Variants in RGS6 observed in about 807,000 individuals in gnomAD.
RGS6 encodes regulator of G-protein signaling 6.
RGS6 carries 30 observed loss-of-function variants against 78.5 expected under a neutral mutation model. That is an observed-to-expected ratio of 0.38 (90% CI 0.29 to 0.52). The LOEUF is 0.52. Among genes scored for constraint, RGS6 ranks in the 20% least tolerant of loss-of-function variants. The probability of loss-of-function intolerance (pLI) is 0.85; values close to 1 mark genes in which losing one functional copy is unlikely to be tolerated. For synonymous variants in RGS6, 206 were observed against 206.0 expected (o/e 1.00, Z 0.00); for missense variants, 495 against 609.7 (o/e 0.81, Z 1.98).
At chr14:72,540,775 C>T (rs2097314890) in intron 17 of RGS6, 1 of 985,284 alleles carries the variant, frequency 1.0e-6, no homozygotes, top group Non-Finnish European at 1.2e-6. Flanking sequence ...GTCCTACCGG[C>T]CTCCTCAGGC....
At chr14:72,268,828 T>C (rs554752171) in intron 2 of RGS6, among the ~76,000 whole-genome samples, 2 of 152,306 alleles carry the variant, frequency 1.3e-5, no homozygotes, top group East Asian at 3.9e-4. Context: ...ATATTCCACC[T>C]GACACATTAT....
chr14:72,035,910 TC>T (rs1165143474), intron 2 of RGS6, among the ~76,000 whole-genome samples: 1 of 152,136 alleles, frequency 6.6e-6, no homozygotes, highest in East Asian at 1.9e-4. Context: ...TGAGTACAGT[TC>T]TATGAATTTT....
At chr14:72,113,758 CT>C (rs1015488129) in intron 2 of RGS6, among the ~76,000 whole-genome samples, 2 of 152,140 alleles carry the variant, frequency 1.3e-5, no homozygotes, top group African/African-American at 4.8e-5. Flanking sequence ...TCCTGCACAT[CT>C]TTCAGGCTTA....
chr14:71,996,108 A>G (rs904151920), intron 2 of RGS6, among the ~76,000 whole-genome samples: 1 of 151,742 alleles, frequency 6.6e-6, no homozygotes, highest in Non-Finnish European at 1.5e-5. Context: ...CTGAAATAGT[A>G]GCTTAACATG....
intron 2 of RGS6, among the ~76,000 whole-genome samples, chr14:72,218,698 A>G (rs986944954): frequency 5.3e-5 from 8 of 151,880 alleles, no homozygotes; most frequent in South Asian, 2.1e-4. Context: ...TGCAACCTCT[A>G]CCTCCTGGAT....
At chr14:72,343,294 C>A (rs962928580) in intron 2 of RGS6, among the ~76,000 whole-genome samples, 1 of 152,194 alleles carries the variant, frequency 6.6e-6, no homozygotes, top group Non-Finnish European at 1.5e-5. Flanking sequence ...CCAGGAGCTG[C>A]CTGCATTCCT....
the RGS6 span, among the ~76,000 whole-genome samples, chr14:71,907,827 C>T: frequency 6.6e-6 from 1 of 152,060 alleles, no homozygotes; most frequent in African/African-American, 2.4e-5. Flanking sequence ...TGTTTGTGTT[C>T]GCCTTATCAC....
At chr14:71,939,398 A>G (rs915295664) in intron 1 of RGS6, among the ~76,000 whole-genome samples, 4 of 152,220 alleles carry the variant, frequency 2.6e-5, no homozygotes, top group Non-Finnish European at 4.4e-5. Flanking sequence ...TCTGGATCCA[A>G]TCAGCATAAC....
chr14:72,330,401 C>T (rs1396781936), intron 2 of RGS6, among the ~76,000 whole-genome samples: 4 of 152,142 alleles, frequency 2.6e-5, no homozygotes, highest in Non-Finnish European at 5.9e-5. Context: ...CAGCTATTAG[C>T]AGTGACTGTA....
At chr14:71,954,471 A>G (rs953053658) in intron 1 of RGS6, among the ~76,000 whole-genome samples, 1 of 152,148 alleles carries the variant, frequency 6.6e-6, no homozygotes, top group African/African-American at 2.4e-5. Flanking sequence ...ACATATGTGT[A>G]TACTTATGGG....
At chr14:72,105,822 G>C (rs1253623708) in intron 2 of RGS6, among the ~76,000 whole-genome samples, 1 of 152,232 alleles carries the variant, frequency 6.6e-6, no homozygotes, top group Admixed American at 6.5e-5. Flanking sequence ...TCTGGTAGAA[G>C]AGGAGGTAGA....
chr14:72,557,020 G>A (rs2097587941), intron 17 of RGS6, among the ~76,000 whole-genome samples: 1 of 152,204 alleles, frequency 6.6e-6, no homozygotes, highest in Non-Finnish European at 1.5e-5. Context: ...ACAGACCCCA[G>A]GAATGGGTCA....
At chr14:71,886,135 T>C in the RGS6 span, among the ~76,000 whole-genome samples, 1 of 152,162 alleles carries the variant, frequency 6.6e-6, no homozygotes, top group Non-Finnish European at 1.5e-5. Context: ...TCTCAGAACT[T>C]AAATTTTTGG....
chr14:72,457,223 T>G (rs956888601), intron 4 of RGS6, among the ~76,000 whole-genome samples: 2 of 152,206 alleles, frequency 1.3e-5, no homozygotes, highest in East Asian at 3.8e-4. Flanking sequence ...ACGCAAAACA[T>G]TGCATTGTAT....
chr14:72,600,395 A>G, the RGS6 span, among the ~76,000 whole-genome samples: 11 of 149,862 alleles, frequency 7.3e-5, no homozygotes, highest in Admixed American at 7.3e-4. Flanking sequence ...CCTGACGAAC[A>G]TCCTTCTCCT....
chr14:71,992,196 A>G (rs556857446), intron 2 of RGS6, among the ~76,000 whole-genome samples: 31 of 152,156 alleles, frequency 2.0e-4, no homozygotes, highest in Non-Finnish European at 3.7e-4. Context: ...ATGCTTGGCT[A>G]ATTTTTTTGT....
At chr14:71,897,283 C>G in the RGS6 span, among the ~76,000 whole-genome samples, 2 of 152,172 alleles carry the variant, frequency 1.3e-5, no homozygotes, top group Non-Finnish European at 2.9e-5. Context: ...AGATTTAAAT[C>G]TTGGCTCTAG....
rs915975337 is a variant in RGS6, at chr14:72,504,149, G to A, written c.966-6005G>A. 3.4e-4 allele frequency among the ~76,000 whole-genome samples: 51 copies of A among 152,184 alleles called. 1 individual carries two copies. Among genetic ancestry groups the A allele is most frequent in the Admixed American group, 2.0e-4 (3 of 15,280 alleles). Reference sequence around the variant, plus strand: ...ATTGCTTTTGAGTAATTCTTCCATTGTCTTGAAGAATAGTTCCTGGATTCT... The same window carrying A: ...ATTGCTTTTGAGTAATTCTTCCATTATCTTGAAGAATAGTTCCTGGATTCT... On this transcript the variant is annotated intron_variant, in intron 13 of 17. Coordinates refer to ENST00000553525, the MANE Select transcript of RGS6 (RefSeq NM_001204424.2).
At chr14:72,348,163 G>A (rs537357462) in intron 2 of RGS6, among the ~76,000 whole-genome samples, 7 of 101,668 alleles carry the variant, frequency 6.9e-5, no homozygotes, top group East Asian at 6.7e-4. Context: ...AACCTAATAC[G>A]CTACTCAGAA....
Sources: allele counts gnomAD v4.1 joint callset (sites outside exome capture counted in the v4.1 genomes callset), GRCh38; gene constraint gnomAD v4.1.1; transcripts MANE v1.5; gene names NCBI Gene and HGNC (gene_info 2026-07-23, HGNC 2026-07-21).